Variants in PKP4 observed in about 807,000 individuals in gnomAD.
PKP4 encodes plakophilin-4.
Under a neutral mutation model 145.1 loss-of-function variants are expected in PKP4, and 90 were observed. The ratio of observed to expected loss-of-function variants is 0.62; its 90% CI spans 0.52 to 0.74. The LOEUF is 0.74. Ranked by LOEUF, PKP4 falls within the 30% of genes least tolerant of loss-of-function variation. PKP4 has a pLI of 0.00. For missense variants in PKP4, 1,340 were observed against 1,482.7 expected, an observed-to-expected ratio of 0.90 and a Z score of 1.58; for synonymous variants, 563 against 577.2, an observed-to-expected ratio of 0.98 and a Z score of 0.35.
intron 1 of PKP4, among the ~76,000 whole-genome samples, chr2:158,528,669 GAA>G (rs59566011): frequency 8.5e-4 from 73 of 85,972 alleles, no homozygotes; most frequent in South Asian, 2.2e-3. Flanking sequence ...CTTACTAAAT[GAA>G]AAAAAAAAAA....
chr2:158,457,696 C>G (rs918432128), intron 1 of PKP4: 2 of 152,984 alleles, frequency 1.3e-5, no homozygotes, highest in Non-Finnish European at 2.9e-5. Context: ...CTTCTAGCCC[C>G]AGATCCTGCA....
chr2:158,605,453 ATAACT>A (rs2050578606), intron 4 of PKP4, among the ~76,000 whole-genome samples: 1 of 152,232 alleles, frequency 6.6e-6, no homozygotes, highest in Non-Finnish European at 1.5e-5. Context: ...TTTTTGATTC[ATAACT>A]TGACTCACAA....
intron 1 of PKP4, among the ~76,000 whole-genome samples, chr2:158,525,560 C>T (rs2042838973): frequency 1.8e-5 from 1 of 55,380 alleles, no homozygotes; most frequent in African/African-American, 8.2e-5. Context: ...ACCCTAACAT[C>T]ACAATTAAAA....
At chr2:158,663,649 T>C (rs2056818346) in intron 15 of PKP4, among the ~76,000 whole-genome samples, 1 of 152,072 alleles carries the variant, frequency 6.6e-6, no homozygotes, top group African/African-American at 2.4e-5. Flanking sequence ...AGTCCCTCAC[T>C]ATGAGAAACA....
At chr2:158,468,688 TAAGC>T (rs1383487481) in intron 1 of PKP4, among the ~76,000 whole-genome samples, 1 of 151,878 alleles carries the variant, frequency 6.6e-6, no homozygotes, top group Non-Finnish European at 1.5e-5. Context: ...TTGAAGCCAG[TAAGC>T]ATACCTGATA....
At chr2:158,617,148 CAAG>C (rs1428452930) in intron 4 of PKP4, among the ~76,000 whole-genome samples, 1 of 152,068 alleles carries the variant, frequency 6.6e-6, no homozygotes, top group Admixed American at 6.5e-5. Flanking sequence ...TGTAATAAGA[CAAG>C]AAAGTCCATG....
chr2:158,529,520 G>A (rs371846848), intron 1 of PKP4, among the ~76,000 whole-genome samples: 1 of 152,298 alleles, frequency 6.6e-6, no homozygotes, highest in East Asian at 1.9e-4. Flanking sequence ...AATGGATACA[G>A]TGTGTGCATT....
chr2:158,528,631 T>A (rs1574308081), intron 1 of PKP4, among the ~76,000 whole-genome samples: 9 of 22,128 alleles, frequency 4.1e-4, no homozygotes, highest in Admixed American at 6.9e-4. Context: ...GAACTTAAAG[T>A]ATAATAAAAA....
chr2:158,649,631 C>T (rs113749097), intron 11 of PKP4, among the ~76,000 whole-genome samples: 2 of 152,008 alleles, frequency 1.3e-5, no homozygotes, highest in African/African-American at 4.8e-5. Flanking sequence ...GGAATATGAC[C>T]CTGTATTTTG....
At chr2:158,490,898 A>G (rs769772244) in intron 1 of PKP4, among the ~76,000 whole-genome samples, 5 of 151,978 alleles carry the variant, frequency 3.3e-5, no homozygotes, top group Admixed American at 1.3e-4. Context: ...TCAGTGTTTT[A>G]TTTCTTTATC....
chr2:158,475,469 G>A (rs915425754), intron 1 of PKP4, among the ~76,000 whole-genome samples: 4 of 152,130 alleles, frequency 2.6e-5, no homozygotes, highest in African/African-American at 9.7e-5. Flanking sequence ...CAGTAGGTAG[G>A]AACAACCTGG....
intron 6 of PKP4, among the ~76,000 whole-genome samples, chr2:158,624,649 A>T (rs2052577057): frequency 1.3e-5 from 2 of 151,670 alleles, no homozygotes; most frequent in South Asian, 4.1e-4. Flanking sequence ...TTTACAGGTT[A>T]ATTTTAGCAT....
At chr2:158,673,858 G>T (rs2057781197) in intron 18 of PKP4, 25 bp from the exon 19 acceptor site, 3 of 1,534,580 alleles carry the variant, frequency 2.0e-6, no homozygotes, top group African/African-American at 2.7e-5. Context: ...ATTTTGAGAG[G>T]TTTCTTTTTC....
At chr2:158,461,318 T>C (rs1265016469) in intron 1 of PKP4, among the ~76,000 whole-genome samples, 1 of 152,228 alleles carries the variant, frequency 6.6e-6, no homozygotes, top group Non-Finnish European at 1.5e-5. Context: ...TGACCTGTTG[T>C]TTTTCCTTTT....
At chr2:158,631,700 T>C in intron 7 of PKP4, 53 bp from the exon 8 acceptor site, 1 of 1,453,114 alleles carries the variant, frequency 6.9e-7, no homozygotes, top group Non-Finnish European at 9.7e-7. Flanking sequence ...TTTATGTTTT[T>C]AACCTCACTG....
At chr2:158,489,037 TTGA>T (rs1034740138) in intron 1 of PKP4, among the ~76,000 whole-genome samples, 5 of 152,330 alleles carry the variant, frequency 3.3e-5, no homozygotes, top group African/African-American at 9.6e-5. Flanking sequence ...GGAGTTGAAC[TTGA>T]TGATGATTGT....
intron 11 of PKP4, among the ~76,000 whole-genome samples, chr2:158,654,572 TG>T (rs2055727307): frequency 6.6e-6 from 1 of 152,298 alleles, no homozygotes; most frequent in African/African-American, 2.4e-5. Context: ...TTTCCGATTC[TG>T]GGAGATAGAA....
intron 11 of PKP4, 130 bp from the exon 12 acceptor site, chr2:158,658,001 G>T: frequency 1.6e-6 from 1 of 628,324 alleles, no homozygotes. Context: ...TTCCCACCCT[G>T]GTTGCAAATA....
At chr2:158,620,947 G>C in intron 4 of PKP4, 43 bp from the exon 5 acceptor site, 1 of 1,567,410 alleles carries the variant, frequency 6.4e-7, no homozygotes, top group South Asian at 1.1e-5. Context: ...AAGTTTTTAT[G>C]TAATGTTATT....
Sources: gnomAD v4.1 joint callset for allele counts (sites outside exome capture counted in the v4.1 genomes callset) on GRCh38, gnomAD v4.1.1 for gene constraint, MANE v1.5 for transcripts, NCBI Gene and HGNC (gene_info 2026-07-23, HGNC 2026-07-21) for gene names.